PSMC4: variants seen among roughly 807,000 people sequenced by gnomAD.
PSMC4 encodes proteasome 26S subunit, ATPase 4, also known as 26S proteasome regulatory subunit 6B.
A neutral mutation model predicts 48.4 loss-of-function variants in PSMC4; 13 were observed. The ratio of observed to expected loss-of-function variants is 0.27; its 90% CI spans 0.18 to 0.43. The LOEUF (loss-of-function observed/expected upper bound fraction) is 0.43. PSMC4 is among the 20% of genes least tolerant of loss of function. The pLI is 1.00. For missense variants in PSMC4, 262 were observed against 555.9 expected, an observed-to-expected ratio of 0.47 and a Z score of 5.32; for synonymous variants, 202 against 212.3, an observed-to-expected ratio of 0.95 and a Z score of 0.42.
intron 1 of PSMC4, 123 bp downstream of exon 1, chr19:39,971,361 C>A: frequency 1.7e-6 from 2 of 1,186,318 alleles, no homozygotes; most frequent in Non-Finnish European, 2.5e-6. Context: ...ATTTTAGAGG[C>A]CTCGGTGGAG....
chr19:39,976,088 T>A (rs1971192715), intron 6 of PSMC4, among the ~76,000 whole-genome samples: 1 of 151,526 alleles, frequency 6.6e-6, no homozygotes, highest in Non-Finnish European at 1.5e-5. Flanking sequence ...TACAAAAAAA[T>A]TAGCCAGGTG....
intron 6 of PSMC4, among the ~76,000 whole-genome samples, chr19:39,978,889 A>T (rs895625448): frequency 5.3e-5 from 8 of 152,102 alleles, no homozygotes; most frequent in Non-Finnish European, 1.2e-4. Context: ...GGACATGCCT[A>T]TAGTCCTAGC....
intron 6 of PSMC4, among the ~76,000 whole-genome samples, chr19:39,975,909 T>G (rs1971189692): frequency 6.6e-6 from 1 of 152,112 alleles, no homozygotes; most frequent in African/African-American, 2.4e-5. Context: ...AGTCATTCAG[T>G]GACTGTTTAT....
intron 3 of PSMC4, among the ~76,000 whole-genome samples, chr19:39,973,581 T>TA (rs11320252): frequency 0.011 from 1,029 of 96,936 alleles, 19 homozygotes; most frequent in African/African-American, 0.031. Flanking sequence ...ACACTCTGTC[T>TA]AAAAAAAAAA....
At chr19:39,972,675 T>G in intron 3 of PSMC4, 120 bp downstream of exon 3, 2 of 731,162 alleles carry the variant, frequency 2.7e-6, no homozygotes, top group Non-Finnish European at 4.3e-6. Flanking sequence ...GTATTTTGAC[T>G]GATCGAAAGG....
At chr19:39,973,163 T>C (rs1233436815) in intron 3 of PSMC4, among the ~76,000 whole-genome samples, 1 of 152,216 alleles carries the variant, frequency 6.6e-6, no homozygotes, top group Non-Finnish European at 1.5e-5. Flanking sequence ...TATATGCTGA[T>C]GTTTTCTATC....
Position 39,980,249 on chromosome 19 carries a change from G to A in PSMC4, c.919-37G>A, listed in dbSNP as rs745348821. 13 of 1,613,748 alleles carry A rather than the reference G, an allele frequency of 8.1e-6. No individual in the cohort carries two copies. Among genetic ancestry groups the A allele is most frequent in the Non-Finnish European group, 1.1e-5 (13 of 1,179,828 alleles). ...TTATCGTGACAGGAAGGAGGTAGGA[G>A]TGCAGAGATCTGAGCTGGCCTGCCC... On this transcript the variant is annotated intron_variant, in intron 8 of 10. Transcript: ENST00000157812. This position sits in a 1 kb window ranked among gnomAD's most constrained non-coding sequence, Gnocchi z 4.8.
rs1971173820 is a variant in PSMC4 at position 39,974,927 on chromosome 19, C to T, written c.673+99C>T. ...ACTGCACAGTAATTAGAAACAGACTCTGGGGTCATAGCCCACGTGTGCATG... is the reference window on the plus strand; with the variant it reads ...ACTGCACAGTAATTAGAAACAGACTTTGGGGTCATAGCCCACGTGTGCATG... On this transcript the variant is annotated intron_variant, in intron 6 of 10. Coordinates refer to ENST00000157812, the MANE Select transcript of PSMC4 (RefSeq NM_006503.4). The surrounding 1 kb of genome is among the most constrained non-coding windows in gnomAD (Gnocchi z 5.5). 1 of 1,195,180 alleles carries T rather than the reference C, an allele frequency of 8.4e-7. No homozygotes were observed. Among genetic ancestry groups the T allele is most frequent in the African/African-American group, 1.5e-5 (1 of 66,220 alleles). The allele number at this position is 1,195,180 out of a possible 1,614,324, so 74.0% of individuals were successfully genotyped here.
chr19:39,974,857 C>T lies in PSMC4; in HGVS notation c.673+29C>T, dbSNP rs1454954263. The T allele has an allele frequency of 6.3e-7, 1 of 1,589,796 alleles. No homozygotes were observed. Among genetic ancestry groups the T allele is most frequent in the East Asian group, 2.2e-5 (1 of 44,772 alleles). The stretch of plus-strand genomic sequence containing the variant: ...AGCCCTTTCGCCCCTGCCCCGAGCT[C>T]TCATCTTCTGGCCTCTTCGCCTTGC... On this transcript the variant is annotated intron_variant, in intron 6 of 10. Transcript: ENST00000157812. The surrounding 1 kb of genome is among the most constrained non-coding windows in gnomAD (Gnocchi z 5.5).
chr19:39,973,501 T>A (rs779036407), intron 3 of PSMC4, among the ~76,000 whole-genome samples: 1 of 151,396 alleles, frequency 6.6e-6, no homozygotes, highest in Non-Finnish European at 1.5e-5. Flanking sequence ...CAGGATCTGT[T>A]GAACCCAGGA....
Position 39,981,226 on chromosome 19 carries a change from T to C in PSMC4, c.1178T>C (p.Ile393Thr). Residue 393 changes from isoleucine (I) to threonine (T), a missense_variant, in exon 11 of 11, where the codon ATT becomes ACT. By Grantham distance (89) the Ile-to-Thr change is moderately conservative (BLOSUM62 -1). Coordinates refer to ENST00000157812, the MANE Select transcript of PSMC4 (RefSeq NM_006503.4). ...TTGGCTGTCCGTGAAAACCGCTACA[T>C]TGTCCTGGCCAAGGACTTCGAGAAA... ...GMLAVRENRY[I>T]VLAKDFEKAY... is the part of the protein sequence containing the mutation. 2.5e-6 allele frequency: 4 copies of C among 1,614,082 alleles called. No homozygotes were observed. Among genetic ancestry groups the C allele is most frequent in the Non-Finnish European group, 3.4e-6 (4 of 1,180,002 alleles).
In PSMC4 at chr19:39,980,794, C is replaced by A; in HGVS notation, c.1143+77C>A. On this transcript the variant is annotated intron_variant, in intron 10 of 10. Transcript: ENST00000157812. The surrounding 1 kb of genome is among the most constrained non-coding windows in gnomAD (Gnocchi z 4.8). The stretch of plus-strand genomic sequence containing the variant: ...CTTCTCTGAACCACTCTGCTGCAGT[C>A]CTGTCCCCTCATGGCTGCCCTGGGT... The A allele has an allele frequency of 6.9e-7, 1 of 1,448,826 alleles. No homozygotes were observed. Among genetic ancestry groups the A allele is most frequent in the African/African-American group, 1.4e-5 (1 of 71,452 alleles). 89.7% of individuals were successfully genotyped at this position (1,448,826 alleles called of 1,614,324 possible).
intron 6 of PSMC4, among the ~76,000 whole-genome samples, chr19:39,977,991 G>A (rs1019943180): frequency 6.6e-6 from 1 of 152,072 alleles, no homozygotes; most frequent in Non-Finnish European, 1.5e-5. Context: ...ACTAATTTTT[G>A]TATCTTCATT....
chr19:39,976,777 G>A (rs958935619), intron 6 of PSMC4, among the ~76,000 whole-genome samples: 1 of 151,526 alleles, frequency 6.6e-6, no homozygotes, highest in African/African-American at 2.4e-5. Context: ...CCAAAGTGCT[G>A]TGATTACAGG....
intron 6 of PSMC4, among the ~76,000 whole-genome samples, chr19:39,976,512 CTT>C (rs561360469): frequency 9.9e-5 from 13 of 131,070 alleles, no homozygotes; most frequent in Admixed American, 1.5e-4. Flanking sequence ...CGTAAAGTTT[CTT>C]TTTTTTTTTT....
rs748288875 is a variant in PSMC4 at position 39,974,662 on chromosome 19, A to G, written c.579+29A>G. On this transcript the variant is annotated intron_variant, in intron 5 of 10. Transcript: ENST00000157812. This position sits in a 1 kb window ranked among gnomAD's most constrained non-coding sequence, Gnocchi z 5.5. ...AGGCGGTGCAGGTGGCAGGGAAGGG[A>G]GAGGCCCCATTGGGTCTGGGGTTGG... The G allele has an allele frequency of 1.3e-6, 2 of 1,572,024 alleles. No individual in the cohort carries two copies. The highest frequency in any genetic ancestry group is 2.2e-5 in the East Asian group (1 of 44,858).
chr19:39,973,294 GGC>G (rs1971135196), intron 3 of PSMC4, among the ~76,000 whole-genome samples: 3 of 152,218 alleles, frequency 2.0e-5, no homozygotes, highest in South Asian at 4.1e-4. Context: ...TAAGAGATTG[GGC>G]TCTGAGGCCA....
At chr19:39,975,367 C>CCTCTGCCTCCCAA (rs59096610) in intron 6 of PSMC4, among the ~76,000 whole-genome samples, 41,494 of 151,910 alleles carry the variant, frequency 0.27, 9,233 homozygotes, top group African/African-American at 0.62. Context: ...GATCCTCCCA[C>CCTCTGCCTCCCAA]AGTGCTGGGA....
chr19:39,979,984 G>T lies in PSMC4; in HGVS notation c.841G>T (p.Ala281Ser). 6.2e-7 allele frequency: 1 copy of T among 1,613,884 alleles called. No individual in the cohort carries two copies. ...CAAGAGATTCGATGCTCAGACAGGG[G>T]GTAAGTGATGCTGAAACAAGGCCCG... ...ATKRFDAQTG[A>S]DREVQRILLE... Residue 281 changes from alanine to serine, a missense_variant and splice_region_variant, in exon 7 of 11, where the codon GCC (alanine) becomes TCC (serine). Around this residue, in one of 4 missense-constraint regions of PSMC4, gnomAD observed 14 missense variants for 86.0 expected, o/e 0.16. Coordinates refer to ENST00000157812, the MANE Select transcript of PSMC4 (RefSeq NM_006503.4).
Sources: allele counts gnomAD v4.1 joint callset (sites outside exome capture counted in the v4.1 genomes callset), GRCh38; gene constraint gnomAD v4.1.1; regional missense constraint gnomAD v4.1.1; non-coding constraint Gnocchi (gnomAD v3.1); transcripts MANE v1.5; gene names NCBI Gene and HGNC (gene_info 2026-07-23, HGNC 2026-07-21).